The following PRKG1 variants were observed in gnomAD, a reference collection of about 807,000 sequenced individuals.
The protein encoded by PRKG1 is protein kinase cGMP-dependent 1.
PRKG1 carries 35 observed loss-of-function variants against 88.1 expected under a neutral mutation model. The observed-to-expected ratio is 0.40, with a 90% CI of 0.30 to 0.53. The LOEUF is 0.53. Among genes scored for constraint, PRKG1 ranks in the 20% least tolerant of loss-of-function variants. PRKG1 has a pLI of 0.59. For missense variants in PRKG1, 540 were observed against 839.8 expected (o/e 0.64, Z 4.41); for synonymous variants, 303 against 292.5 (o/e 1.04, Z -0.37).
intron 1 of PRKG1, among the ~76,000 whole-genome samples, chr10:51,056,303 T>A (rs1340518382): frequency 6.6e-6 from 1 of 152,224 alleles, no homozygotes; most frequent in East Asian, 1.9e-4. Context: ...CTGTGAATAC[T>A]GGATATGCTC....
At chr10:51,358,116 C>A (rs1037830020) in intron 2 of PRKG1, among the ~76,000 whole-genome samples, 1 of 151,840 alleles carries the variant, frequency 6.6e-6, no homozygotes, top group Non-Finnish European at 1.5e-5. Flanking sequence ...CTGAGGGGGT[C>A]ATGAGATTGT....
rs1843456456 is a variant in PRKG1 at position 51,961,895 on chromosome 10, G to A, written c.762+54325G>A. Among the ~76,000 whole-genome samples the A allele has an allele frequency of 2.6e-5, 4 of 152,246 alleles. No homozygotes were observed. The South Asian group carries it at 8.3e-4, about 32-fold the overall frequency. Reference sequence around the variant, plus strand: ...AAGTAAGCCACCAGAAGACTGATCTGTGATATCCACGTCAGGAAAGACAAA... The same window carrying A: ...AAGTAAGCCACCAGAAGACTGATCTATGATATCCACGTCAGGAAAGACAAA... On this transcript the variant is annotated intron_variant, in intron 5 of 17. Coordinates refer to ENST00000373980, the MANE Select transcript of PRKG1 (RefSeq NM_006258.4).
At chr10:51,258,218 T>A in intron 2 of PRKG1, among the ~76,000 whole-genome samples, 1 of 152,136 alleles carries the variant, frequency 6.6e-6, no homozygotes, top group South Asian at 2.1e-4. Context: ...AATATCTCCA[T>A]CCCTGCAGGG....
At chr10:52,293,720 A>G in intron 17 of PRKG1, 82 bp from the exon 18 acceptor site, 1 of 1,107,440 alleles carries the variant, frequency 9.0e-7, no homozygotes, top group South Asian at 1.3e-5. Flanking sequence ...AATAGGGAAT[A>G]AATACAGAAT....
chr10:51,970,881 A>G (rs1020057271), intron 5 of PRKG1, among the ~76,000 whole-genome samples: 1 of 149,670 alleles, frequency 6.7e-6, no homozygotes, highest in African/African-American at 2.4e-5. Context: ...ATGTGTAAGT[A>G]CCTAAGAAAA....
intron 3 of PRKG1, among the ~76,000 whole-genome samples, chr10:51,760,282 T>C (rs931861934): frequency 2.0e-5 from 3 of 152,190 alleles, no homozygotes; most frequent in African/African-American, 7.2e-5. Flanking sequence ...TATCACTGAC[T>C]GTCAGTAAGC....
chr10:51,408,806 A>G (rs1405845169), intron 2 of PRKG1, among the ~76,000 whole-genome samples: 3 of 152,208 alleles, frequency 2.0e-5, no homozygotes, highest in Non-Finnish European at 4.4e-5. Context: ...AGTGGTGTCC[A>G]TAGAATGGTT....
intron 1 of PRKG1, among the ~76,000 whole-genome samples, chr10:51,014,160 G>T (rs1182876300): frequency 2.6e-5 from 4 of 152,210 alleles, no homozygotes; most frequent in African/African-American, 9.6e-5. Flanking sequence ...GTATCTGTAT[G>T]TATGTTGCAT....
intron 3 of PRKG1, among the ~76,000 whole-genome samples, chr10:51,538,681 AAC>A (rs1007309148): frequency 6.6e-6 from 1 of 151,324 alleles, no homozygotes; most frequent in African/African-American, 2.4e-5. Context: ...AAAAAAAAAA[AAC>A]AAATCCCTTT....
intron 4 of PRKG1, among the ~76,000 whole-genome samples, chr10:51,881,882 C>T (rs10823801): frequency 0.18 from 27,819 of 151,988 alleles, 2,990 homozygotes; most frequent in East Asian, 0.48. Context: ...AGATGCATCA[C>T]AGAACTCTTA....
intron 9 of PRKG1, among the ~76,000 whole-genome samples, chr10:52,225,886 G>A (rs1194522): frequency 0.76 from 115,953 of 151,922 alleles, 47,063 homozygotes; most frequent in East Asian, 0.94. Context: ...TTTGGTCACT[G>A]TGGCCTTATA....
At chr10:52,204,626 A>G (rs1193473875) in intron 9 of PRKG1, among the ~76,000 whole-genome samples, 1 of 152,156 alleles carries the variant, frequency 6.6e-6, no homozygotes, top group African/African-American at 2.4e-5. Context: ...TTCCCCAATC[A>G]ATACTCTTGT....
At chr10:52,223,745 C>G (rs1170663411) in intron 9 of PRKG1, among the ~76,000 whole-genome samples, 2 of 152,158 alleles carry the variant, frequency 1.3e-5, no homozygotes, top group Non-Finnish European at 2.9e-5. Flanking sequence ...TTTCTCTAAG[C>G]CTGTTCCTCT....
chr10:51,978,217 G>A (rs538534530), intron 5 of PRKG1, among the ~76,000 whole-genome samples: 9 of 152,028 alleles, frequency 5.9e-5, no homozygotes, highest in African/African-American at 2.2e-4. Flanking sequence ...TGAATAGGGA[G>A]TCCTTATCCC....
intron 5 of PRKG1, among the ~76,000 whole-genome samples, chr10:52,048,769 T>A (rs1207412600): frequency 6.6e-6 from 1 of 151,306 alleles, no homozygotes. Flanking sequence ...GGGAAATGTA[T>A]TGCTTAATTT....
At chr10:52,200,431 T>C (rs1187903798) in intron 9 of PRKG1, among the ~76,000 whole-genome samples, 2 of 152,234 alleles carry the variant, frequency 1.3e-5, no homozygotes, top group Non-Finnish European at 2.9e-5. Context: ...AGTGTATACA[T>C]ACCACATTTT....
At chr10:51,696,068 C>T (rs1841283416) in intron 3 of PRKG1, 2 of 152,264 alleles carry the variant, frequency 1.3e-5, no homozygotes, top group Middle Eastern at 3.4e-3. Context: ...TTTTAATTGT[C>T]TCATTGGTAT....
At chr10:52,089,535 A>C (rs1295918954) in intron 7 of PRKG1, among the ~76,000 whole-genome samples, 3 of 152,146 alleles carry the variant, frequency 2.0e-5, no homozygotes, top group Admixed American at 2.0e-4. Flanking sequence ...GATAATAGAA[A>C]GATCTTACAA....
At chr10:51,148,227 T>C (rs1404820822) in intron 1 of PRKG1, 1 of 985,032 alleles carries the variant, frequency 1.0e-6, no homozygotes, top group East Asian at 1.1e-4. Context: ...CTTGGATGTC[T>C]GAGTTCCCAA....
Sources: gnomAD v4.1 joint callset for allele counts (sites outside exome capture counted in the v4.1 genomes callset) on GRCh38, gnomAD v4.1.1 for gene constraint, MANE v1.5 for transcripts, NCBI Gene and HGNC (gene_info 2026-07-23, HGNC 2026-07-21) for gene names.